The following NMU variants were observed in gnomAD, a reference collection of about 807,000 sequenced individuals.
NMU encodes neuromedin-U.
NMU carries 29 observed loss-of-function variants against 35.4 expected under a neutral mutation model. The observed-to-expected ratio is 0.82, with a 90% CI of 0.61 to 1.12. The LOEUF is 1.12. NMU is among the 50% of genes most tolerant of loss of function. The pLI is 0.00. For synonymous variants in NMU, 78 were observed against 81.3 expected (o/e 0.96, Z 0.22); for missense variants, 199 against 206.2 (o/e 0.97, Z 0.21).
chr4:55,599,164 C>A lies in NMU; in HGVS notation c.507G>T (p.Arg169Ser). The A allele has an allele frequency of 6.2e-7, 1 of 1,606,660 alleles. No individual in the cohort carries two copies. Among genetic ancestry groups the A allele is most frequent in the Non-Finnish European group, 8.5e-7 (1 of 1,173,430 alleles). Residue 169 changes from arginine (R) to serine (S), a missense_variant, in exon 9 of 10, where the codon AGG (arginine) becomes AGT (serine). By Grantham distance (110) the Arg-to-Ser change is moderately radical. Coordinates refer to ENST00000264218, the MANE Select transcript of NMU (RefSeq NM_006681.4). ...TACCATTTTAAATGAACCCTGCTGA[C>A]CTTCTTCCATTCCGTGGCTGAAAAA... ...YFLFRPRNGR[R>S]SAGFI
chr4:55,596,643 C>T (rs1306902808), intron 9 of NMU, among the ~76,000 whole-genome samples: 1 of 152,120 alleles, frequency 6.6e-6, no homozygotes, highest in African/African-American at 2.4e-5. Flanking sequence ...TATCAGGCCT[C>T]TTCTGAAGCA....
At chr4:55,619,908 GACACCTCACAAGGCAGGGTA>G (rs1439501952) in intron 2 of NMU, among the ~76,000 whole-genome samples, 2 of 128,764 alleles carry the variant, frequency 1.6e-5, no homozygotes, top group Non-Finnish European at 3.4e-5. Flanking sequence ...GGGGCACACT[GACACCTCACAAGGCAGGGTA>G]TTCCAACAGA....
intron 9 of NMU, among the ~76,000 whole-genome samples, chr4:55,596,608 TC>T: frequency 6.6e-6 from 1 of 152,296 alleles, no homozygotes; most frequent in African/African-American, 2.4e-5. Context: ...ATATGTTTTC[TC>T]ATATTCCTTA....
Position 55,636,001 on chromosome 4 carries a change from A to C in NMU, c.112+80T>G. 4 of 1,529,640 alleles carry C rather than the reference A, an allele frequency of 2.6e-6. No homozygotes were observed. Among genetic ancestry groups the C allele is most frequent in the Non-Finnish European group, 3.5e-6 (4 of 1,143,734 alleles). 94.8% of individuals were successfully genotyped at this position (1,529,640 alleles called of 1,614,324 possible). ...CAGAAGCCAAGTAAAGGTGAGAGAAAGAGGGTGGAGGAGAGCGGTGAGTGG... is the reference window on the plus strand; with the variant it reads ...CAGAAGCCAAGTAAAGGTGAGAGAACGAGGGTGGAGGAGAGCGGTGAGTGG... On this transcript the variant is annotated intron_variant, in intron 1 of 9. Coordinates refer to ENST00000264218, the MANE Select transcript of NMU (RefSeq NM_006681.4). The surrounding 1 kb of genome is among the most constrained non-coding windows in gnomAD (Gnocchi z 4.0).
At chr4:55,618,453 C>G (rs1172112071) in intron 2 of NMU, among the ~76,000 whole-genome samples, 1 of 151,984 alleles carries the variant, frequency 6.6e-6, no homozygotes. Context: ...CTCCCACTTA[C>G]GAGTGAGAAA....
chr4:55,615,880 A>G (rs2101474), intron 3 of NMU, among the ~76,000 whole-genome samples: 140,251 of 152,120 alleles, frequency 0.92, 65,376 homozygotes, highest in East Asian at 1. Context: ...AGAACATGCA[A>G]TATTTGGTTT....
intron 7 of NMU, among the ~76,000 whole-genome samples, chr4:55,604,027 A>ACGTATATATGTATATATGTGTATATAT (rs1733567304): frequency 3.4e-4 from 10 of 29,000 alleles, no homozygotes; most frequent in African/African-American, 9.2e-4. Flanking sequence ...GTATATATAT[A>ACGTATATATGTATATATGTGTATATAT]ATCCTAGAAA....
intron 4 of NMU, among the ~76,000 whole-genome samples, chr4:55,608,197 T>A (rs1173381500): frequency 1.3e-5 from 2 of 150,110 alleles, no homozygotes; most frequent in East Asian, 2.0e-4. Flanking sequence ...AAAAAAAATT[T>A]AAATCTTATA....
intron 9 of NMU, among the ~76,000 whole-genome samples, chr4:55,596,229 GA>G (rs1327732691): frequency 6.6e-6 from 1 of 151,714 alleles, no homozygotes; most frequent in Non-Finnish European, 1.5e-5. Flanking sequence ...AATCAGATGA[GA>G]AAAACAAAGA....
At chr4:55,630,890 G>A (rs1383139938) in intron 1 of NMU, among the ~76,000 whole-genome samples, 1 of 152,020 alleles carries the variant, frequency 6.6e-6, no homozygotes, top group Non-Finnish European at 1.5e-5. Context: ...TAAGCAAAAA[G>A]AATACTTCTG....
At chr4:55,598,800 C>T (rs2110179469) in intron 9 of NMU, among the ~76,000 whole-genome samples, 1 of 152,198 alleles carries the variant, frequency 6.6e-6, no homozygotes, top group South Asian at 2.1e-4. Context: ...GAATTCATTC[C>T]CTGACATATC....
intron 9 of NMU, among the ~76,000 whole-genome samples, chr4:55,598,813 A>G (rs759596129): frequency 5.9e-5 from 9 of 152,178 alleles, no homozygotes; most frequent in Non-Finnish European, 1.0e-4. Flanking sequence ...GACATATCCT[A>G]CTTGCACAAT....
chr4:55,605,850 T>G (rs1009218641), intron 6 of NMU, among the ~76,000 whole-genome samples: 5 of 152,216 alleles, frequency 3.3e-5, no homozygotes, highest in Non-Finnish European at 7.3e-5. Context: ...CAACAATGTG[T>G]GAAAATGACA....
intron 2 of NMU, among the ~76,000 whole-genome samples, chr4:55,629,709 T>C (rs1225464749): frequency 6.6e-6 from 1 of 152,048 alleles, no homozygotes; most frequent in African/African-American, 2.4e-5. Context: ...GTAGCTCTAA[T>C]TTATTAATTG....
chr4:55,614,985 A>G (rs1734062075), intron 3 of NMU, among the ~76,000 whole-genome samples: 1 of 152,196 alleles, frequency 6.6e-6, no homozygotes, highest in South Asian at 2.1e-4. Context: ...GGCAGGAGAA[A>G]TACAACACTA....
intron 7 of NMU, among the ~76,000 whole-genome samples, chr4:55,603,778 G>A (rs1254928446): frequency 6.6e-6 from 1 of 150,554 alleles, no homozygotes; most frequent in Non-Finnish European, 1.5e-5. Context: ...CGGGCGTAGC[G>A]GCGGGCGCCT....
chr4:55,618,787 T>TTCTTTCTTCTCTTCCTTTTCTTC (rs1560522339), intron 2 of NMU, among the ~76,000 whole-genome samples: 1 of 151,132 alleles, frequency 6.6e-6, no homozygotes, highest in Admixed American at 6.6e-5. Context: ...TTCTTTCCCT[T>TTCTTTCTTCTCTTCCTTTTCTTC]TCTTTCTTCT....
intron 9 of NMU, 110 bp downstream of exon 9, chr4:55,599,032 A>G (rs2110179757): frequency 1.4e-6 from 1 of 717,390 alleles, no homozygotes; most frequent in Admixed American, 2.2e-5. Flanking sequence ...AATACATTTA[A>G]CATAGTTTAA....
At chr4:55,618,677 T>C (rs1417153409) in intron 2 of NMU, among the ~76,000 whole-genome samples, 1 of 146,488 alleles carries the variant, frequency 6.8e-6, no homozygotes, top group African/African-American at 2.6e-5. Context: ...CTCTCTTCCT[T>C]TCTTCTCTCT....
Sources: allele counts gnomAD v4.1 joint callset (sites outside exome capture counted in the v4.1 genomes callset), GRCh38; gene constraint gnomAD v4.1.1; non-coding constraint Gnocchi (gnomAD v3.1); transcripts MANE v1.5; gene names NCBI Gene and HGNC (gene_info 2026-07-23, HGNC 2026-07-21).